Variants in PPP1R13B observed in about 807,000 individuals in gnomAD.
PPP1R13B encodes apoptosis-stimulating of p53 protein 1.
A neutral mutation model predicts 119.8 loss-of-function variants in PPP1R13B; 44 were observed. That is an observed-to-expected ratio of 0.37 (90% confidence interval 0.29 to 0.47). PPP1R13B has a LOEUF of 0.47. PPP1R13B is among the 20% of genes least tolerant of loss of function. The probability of loss-of-function intolerance (pLI) is 0.99; values close to 1 mark genes in which losing one functional copy is unlikely to be tolerated. For synonymous variants in PPP1R13B, 542 were observed against 561.5 expected (o/e 0.97, Z 0.49); for missense variants, 1,227 against 1,413.5 (o/e 0.87, Z 2.12).
chr14:103,842,523 G>A (rs1595851607), intron 1 of PPP1R13B, among the ~76,000 whole-genome samples: 1 of 151,656 alleles, frequency 6.6e-6, no homozygotes, highest in African/African-American at 2.4e-5. Context: ...GGCTGGTCTT[G>A]AACTCCTGAC....
chr14:103,816,819 T>G (rs1291444344), intron 1 of PPP1R13B, among the ~76,000 whole-genome samples: 1 of 152,114 alleles, frequency 6.6e-6, no homozygotes, highest in Non-Finnish European at 1.5e-5. Flanking sequence ...ACAACAAAGA[T>G]AATTAGAAAA....
Position 103,740,077 on chromosome 14 carries a change from G to C in PPP1R13B, c.2339C>G (p.Pro780Arg), listed in dbSNP as rs2084214714. The change falls in exon 12 of 17, where the codon CCA (proline) becomes CGA (arginine). Residue 780 changes from proline (P) to arginine (R), a missense_variant. By Grantham distance (103) the Pro-to-Arg change is moderately radical. Transcript: ENST00000202556. This position sits in a 1 kb window ranked among gnomAD's most constrained non-coding sequence, Gnocchi z 4.6. ...TGACGGGGCAGGCTCAGCGGGGAGTGGGGCTGTGGGCTGGGCAGGGGGGAG... is the reference window on the plus strand; with the variant it reads ...TGACGGGGCAGGCTCAGCGGGGAGTCGGGCTGTGGGCTGGGCAGGGGGGAG... ...EELPPAQPTA[P>R]LPAEPAPSSD... 1 of 1,613,954 alleles carries C rather than the reference G, an allele frequency of 6.2e-7. No homozygotes were observed. The highest frequency in any genetic ancestry group is 8.5e-7 in the Non-Finnish European group (1 of 1,180,014).
chr14:103,775,816 G>A (rs1417548258), intron 4 of PPP1R13B, among the ~76,000 whole-genome samples: 1 of 152,082 alleles, frequency 6.6e-6, no homozygotes, highest in African/African-American at 2.4e-5. Context: ...AGAGGCTCTT[G>A]ATTTGCAGTG....
intron 1 of PPP1R13B, among the ~76,000 whole-genome samples, chr14:103,836,048 T>C (rs1408691865): frequency 7.4e-6 from 1 of 134,270 alleles, no homozygotes; most frequent in Non-Finnish European, 1.6e-5. Context: ...GCCTACTGAC[T>C]TTTTTTTTTT....
chr14:103,784,974 A>G, intron 2 of PPP1R13B, 60 bp from the exon 3 acceptor site: 1 of 1,450,772 alleles, frequency 6.9e-7, no homozygotes, highest in Non-Finnish European at 9.3e-7. Context: ...CCAAAAGTAA[A>G]TTTTGTAAAA....
At chr14:103,749,764 AG>A (rs751918437) in intron 8 of PPP1R13B, 29 bp downstream of exon 8, 11 of 1,605,834 alleles carry the variant, frequency 6.9e-6, no homozygotes, top group Admixed American at 6.8e-5. Context: ...TATCTTTAGT[AG>A]TTTATCTCAC....
At chr14:103,836,390 C>T (rs1237103140) in intron 1 of PPP1R13B, among the ~76,000 whole-genome samples, 1 of 152,126 alleles carries the variant, frequency 6.6e-6, no homozygotes, top group African/African-American at 2.4e-5. Context: ...CTCTAAGCAC[C>T]TGACAATCCT....
chr14:103,815,670 G>A (rs1236532326), intron 1 of PPP1R13B, among the ~76,000 whole-genome samples: 9 of 152,028 alleles, frequency 5.9e-5, no homozygotes, highest in East Asian at 1.9e-4. Context: ...CAGGAGAATC[G>A]CTTGAAACTG....
chr14:103,780,541 G>A (rs1174995253), intron 3 of PPP1R13B, among the ~76,000 whole-genome samples: 7 of 149,148 alleles, frequency 4.7e-5, no homozygotes, highest in Admixed American at 1.3e-4. Flanking sequence ...GGGGCTGGAC[G>A]TGGTGGCTCA....
chr14:103,772,955 T>C (rs539335656), intron 4 of PPP1R13B, among the ~76,000 whole-genome samples: 2 of 152,336 alleles, frequency 1.3e-5, no homozygotes, highest in African/African-American at 4.8e-5. Flanking sequence ...GCATGAGCCA[T>C]TGAGCTCGGC....
At chr14:103,737,533 G>A (rs1231123291) in intron 15 of PPP1R13B, 161 bp downstream of exon 15, 12 of 920,234 alleles carry the variant, frequency 1.3e-5, no homozygotes, top group African/African-American at 1.7e-5. Flanking sequence ...CCATGATTGC[G>A]ACATTGCACT....
At chr14:103,769,174 C>T (rs1280691973) in intron 4 of PPP1R13B, among the ~76,000 whole-genome samples, 1 of 152,158 alleles carries the variant, frequency 6.6e-6, no homozygotes, top group Non-Finnish European at 1.5e-5. Flanking sequence ...CAACCTGTGC[C>T]TCCTGGGTTC....
intron 1 of PPP1R13B, chr14:103,846,951 A>C: frequency 8.3e-7 from 1 of 1,202,306 alleles, no homozygotes; most frequent in Non-Finnish European, 1.1e-6. Flanking sequence ...CGTTCGTTTC[A>C]GGCGGGTCAC....
chr14:103,815,052 T>C (rs562203620), intron 1 of PPP1R13B, among the ~76,000 whole-genome samples: 11 of 152,330 alleles, frequency 7.2e-5, no homozygotes, highest in South Asian at 2.1e-4. Flanking sequence ...CTCAAACTGA[T>C]GAATGCCTAA....
chr14:103,829,660 AG>A (rs1337955978), intron 1 of PPP1R13B, among the ~76,000 whole-genome samples: 3 of 152,224 alleles, frequency 2.0e-5, no homozygotes, highest in Non-Finnish European at 4.4e-5. Flanking sequence ...CCTAGGCTGG[AG>A]TTCAATGATA....
intron 2 of PPP1R13B, among the ~76,000 whole-genome samples, chr14:103,794,097 T>C (rs1409723202): frequency 1.3e-5 from 2 of 152,190 alleles, no homozygotes; most frequent in South Asian, 4.1e-4. Context: ...CCAAGCCTGC[T>C]GACACCTTCA....
chr14:103,811,957 G>T (rs997588541), intron 1 of PPP1R13B, among the ~76,000 whole-genome samples: 1 of 150,580 alleles, frequency 6.6e-6, no homozygotes, highest in Non-Finnish European at 1.5e-5. Context: ...CTACTTGGGA[G>T]GCTGAGGTGG....
intron 3 of PPP1R13B, 133 bp from the exon 4 acceptor site, chr14:103,778,954 T>C (rs1490049995): frequency 4.2e-6 from 3 of 714,752 alleles, no homozygotes; most frequent in East Asian, 5.4e-5. Flanking sequence ...AAGACTTTAG[T>C]ACAGTTGAAA....
intron 3 of PPP1R13B, among the ~76,000 whole-genome samples, chr14:103,782,425 C>T (rs1279264127): frequency 6.6e-6 from 1 of 152,200 alleles, no homozygotes; most frequent in Non-Finnish European, 1.5e-5. Context: ...ACCAGCAATG[C>T]TCAGTGAATA....
Sources: gnomAD v4.1 joint callset for allele counts (sites outside exome capture counted in the v4.1 genomes callset) on GRCh38, gnomAD v4.1.1 for gene constraint, Gnocchi (gnomAD v3.1) non-coding constraint, MANE v1.5 for transcripts, NCBI Gene and HGNC (gene_info 2026-07-23, HGNC 2026-07-21) for gene names.